The following TAB2 variants were observed in gnomAD, a reference collection of about 807,000 sequenced individuals.
TAB2 encodes the protein TGF-beta activated kinase 1 (MAP3K7) binding protein 2, also known as TGF-beta-activated kinase 1 and MAP3K7-binding protein 2.
In TAB2, 3 loss-of-function variants were observed where a neutral mutation model predicts 65.0. The observed-to-expected ratio is 0.05, with a 90% confidence interval of 0.02 to 0.12. The LOEUF (loss-of-function observed/expected upper bound fraction) is 0.12, where lower values mean the gene tolerates loss of function less well. Among genes scored for constraint, TAB2 ranks in the 10% least tolerant of loss-of-function variants. TAB2 has a pLI of 1.00. For synonymous variants in TAB2, 298 were observed against 285.1 expected (o/e 1.05, Z -0.46); for missense variants, 623 against 840.3 (o/e 0.74, Z 3.20).
chr6:149,296,480 A>G (rs1338990812), intron 1 of TAB2, among the ~76,000 whole-genome samples: 1 of 152,150 alleles, frequency 6.6e-6, no homozygotes, highest in African/African-American at 2.4e-5. Flanking sequence ...TGGCCTAAAA[A>G]TGTCTTACTG....
chr6:149,254,010 GAAA>G (rs1777933372), intron 1 of TAB2, among the ~76,000 whole-genome samples: 1 of 137,166 alleles, frequency 7.3e-6, no homozygotes, highest in African/African-American at 2.7e-5. Flanking sequence ...AAGAAAGAAA[GAAA>G]GAAAGAAAGA....
Position 149,399,530 on chromosome 6 carries a change from T to TCCC in TAB2, c.1939+354_1939+356dup, listed in dbSNP as rs71681301. ...GATAAGGAAGATACCTTAGGGAAGT[T>TCCC]CCCCCCCCCCATGAGTATTTAGTTT... On this transcript the variant is annotated intron_variant, in intron 6 of 6. Coordinates refer to ENST00000637181, the MANE Select transcript of TAB2 (RefSeq NM_001292034.3). 5.6e-3 allele frequency among the ~76,000 whole-genome samples: 837 copies of TCCC among 149,326 alleles called. 8 individuals carry two copies. The highest frequency in any genetic ancestry group is 0.018 in the African/African-American group (736 of 40,630).
intron 1 of TAB2, among the ~76,000 whole-genome samples, chr6:149,242,487 C>T (rs1473589527): frequency 6.6e-6 from 1 of 152,112 alleles, no homozygotes; most frequent in East Asian, 1.9e-4. Flanking sequence ...GTGAGTAGAA[C>T]AGGAAATAAA....
At chr6:149,252,191 A>G (rs938207751) in intron 1 of TAB2, among the ~76,000 whole-genome samples, 6 of 151,834 alleles carry the variant, frequency 4.0e-5, no homozygotes, top group Admixed American at 1.3e-4. Flanking sequence ...TGGATCACCT[A>G]AGGTCAGGAG....
intron 1 of TAB2, among the ~76,000 whole-genome samples, chr6:149,338,924 G>A (rs968485634): frequency 6.6e-6 from 1 of 152,236 alleles, no homozygotes; most frequent in African/African-American, 2.4e-5. Flanking sequence ...TATATTTAGA[G>A]TAGTAATTGT....
At chr6:149,233,598 A>G (rs1777444809) in intron 1 of TAB2, among the ~76,000 whole-genome samples, 1 of 152,234 alleles carries the variant, frequency 6.6e-6, no homozygotes, top group Non-Finnish European at 1.5e-5. Context: ...ATTGTTTACC[A>G]AATGACTCAT....
At chr6:149,332,983 C>T (rs906715270) in intron 1 of TAB2, among the ~76,000 whole-genome samples, 5 of 152,184 alleles carry the variant, frequency 3.3e-5, no homozygotes, top group African/African-American at 9.7e-5. Flanking sequence ...TCTAGCACTT[C>T]GTTTTATTTA....
At chr6:149,396,210 G>T (rs547673141) in intron 3 of TAB2, among the ~76,000 whole-genome samples, 14 of 152,130 alleles carry the variant, frequency 9.2e-5, no homozygotes, top group Non-Finnish European at 1.8e-4. Context: ...TAGAAACGAG[G>T]TTTCACCATG....
At chr6:149,314,820 C>A (rs1261417734), upstream of TAB2, among the ~76,000 whole-genome samples, 1 of 151,344 alleles carries the variant, frequency 6.6e-6, no homozygotes, top group Non-Finnish European at 1.5e-5. Flanking sequence ...TGTATCAGGA[C>A]CTTACTAGAC....
At chr6:149,330,799 A>AT (rs1396763846) in intron 1 of TAB2, among the ~76,000 whole-genome samples, 7 of 152,062 alleles carry the variant, frequency 4.6e-5, no homozygotes, top group Admixed American at 6.6e-5. Flanking sequence ...CATTTTGTGC[A>AT]TTTTTTTCTT....
Position 149,338,873 on chromosome 6 carries a change from T to C in TAB2, c.-90+20858T>C, listed in dbSNP as rs55873633. ...CCTTGTAGCAGGATTCTTTTCTGTA[T>C]GGTTGAATCATTCCTATGGCTATAT... On this transcript the variant is annotated intron_variant, in intron 1 of 6. Transcript: ENST00000637181. 2.5e-3 allele frequency among the ~76,000 whole-genome samples: 378 copies of C among 152,356 alleles called. 2 individuals are homozygous for C. The highest frequency in any genetic ancestry group is 8.7e-3 in the African/African-American group (361 of 41,582).
At chr6:149,239,649 G>A (rs1188808031) in intron 1 of TAB2, among the ~76,000 whole-genome samples, 1 of 152,176 alleles carries the variant, frequency 6.6e-6, no homozygotes, top group Non-Finnish European at 1.5e-5. Context: ...TTGTTCTCTT[G>A]TTATTTTTCA....
chr6:149,329,567 G>C (rs1394552035), intron 1 of TAB2, among the ~76,000 whole-genome samples: 1 of 150,266 alleles, frequency 6.7e-6, no homozygotes. Flanking sequence ...ATTTGAGCAG[G>C]TACATGAATG....
intron 3 of TAB2, among the ~76,000 whole-genome samples, chr6:149,396,441 T>C (rs1782174524): frequency 6.6e-6 from 1 of 152,254 alleles, no homozygotes; most frequent in South Asian, 2.1e-4. Context: ...CAACTGTCTT[T>C]GTATGTAATC....
At position 149,411,234 on chromosome 6, in the gene TAB2, A is replaced by T. The variant is rs940594509; in HGVS notation, c.*1515A>T. On this transcript the variant is annotated 3_prime_UTR_variant, in exon 7 of 7. Coordinates refer to ENST00000637181, the MANE Select transcript of TAB2 (RefSeq NM_001292034.3). ...TGAAATAGAGCAAAGGATGGAAGAT[A>T]ATATAGACTACCACCCACTGTAAAT... 1.3e-5 allele frequency: 2 copies of T among 152,518 alleles called. No individual in the cohort carries two copies. The highest frequency in any genetic ancestry group is 2.4e-5 in the African/African-American group (1 of 41,456). The allele number at this position is 152,518 out of a possible 1,614,324, so 9.4% of individuals were successfully genotyped here. A position where few individuals can be genotyped will look rare whatever the true frequency, so the allele number is the denominator to read the frequency against.
At chr6:149,305,030 G>T (rs1779037250) in intron 1 of TAB2, among the ~76,000 whole-genome samples, 1 of 151,848 alleles carries the variant, frequency 6.6e-6, no homozygotes, top group Non-Finnish European at 1.5e-5. Flanking sequence ...ATTTTTACTT[G>T]TATTAGTTTT....
At chr6:149,366,807 T>A (rs1562436278) in intron 1 of TAB2, among the ~76,000 whole-genome samples, 1 of 152,194 alleles carries the variant, frequency 6.6e-6, no homozygotes, top group Non-Finnish European at 1.5e-5. Flanking sequence ...TGATAGTCTT[T>A]ATTAGAAAAG....
At chr6:149,248,265 G>A (rs1441550174) in intron 1 of TAB2, among the ~76,000 whole-genome samples, 4 of 151,994 alleles carry the variant, frequency 2.6e-5, no homozygotes, top group East Asian at 1.9e-4. Flanking sequence ...GGTGGCAGGC[G>A]CCTGTAATCC....
intron 6 of TAB2, among the ~76,000 whole-genome samples, chr6:149,408,534 T>TTA (rs1782740379): frequency 6.6e-6 from 1 of 152,178 alleles, no homozygotes; most frequent in African/African-American, 2.4e-5. Context: ...AATAGAAAAG[T>TTA]TATCAGTAGG....
Sources: allele counts gnomAD v4.1 joint callset (sites outside exome capture counted in the v4.1 genomes callset), GRCh38; gene constraint gnomAD v4.1.1; transcripts MANE v1.5; gene names NCBI Gene and HGNC (gene_info 2026-07-23, HGNC 2026-07-21).